Variants in PIEZO2 observed in about 807,000 individuals in gnomAD.
PIEZO2 encodes the protein piezo-type mechanosensitive ion channel component 2.
PIEZO2 carries 172 observed loss-of-function variants against 337.3 expected under a neutral mutation model. That is an observed-to-expected ratio of 0.51 (90% confidence interval 0.45 to 0.58). The LOEUF (loss-of-function observed/expected upper bound fraction) is 0.58. Among genes scored for constraint, PIEZO2 ranks in the 20% least tolerant of loss-of-function variants. The pLI is 0.00. For missense variants in PIEZO2, 3,028 were observed against 3,391.3 expected, an observed-to-expected ratio of 0.89 and a Z score of 2.66; for synonymous variants, 1,251 against 1,228.5, an observed-to-expected ratio of 1.02 and a Z score of -0.38.
rs556946442 is a variant in PIEZO2, at chr18:10,984,473, A to C, written c.161-4813T>G. On this transcript the variant is annotated intron_variant, in intron 2 of 55. Coordinates refer to ENST00000674853, the MANE Select transcript of PIEZO2 (RefSeq NM_001378183.1). Reference sequence around the variant, plus strand: ...AAATTTAATGGAGAGTTTCAACAGCAAACTTGATCAAGCAGAATAACATCA... The same window carrying C: ...AAATTTAATGGAGAGTTTCAACAGCCAACTTGATCAAGCAGAATAACATCA... Among the ~76,000 whole-genome samples the C allele has an allele frequency of 7.2e-5, 11 of 152,280 alleles. No homozygotes were observed. In the South Asian group the frequency reaches 2.1e-3, roughly 29 times the overall value.
rs2040954608 is a variant in PIEZO2, at chr18:10,834,774, C to T, written c.917+20579G>A. On this transcript the variant is annotated intron_variant, in intron 7 of 55. Transcript: ENST00000674853. The surrounding 1 kb of genome is among the most constrained non-coding windows in gnomAD (Gnocchi z 4.5). ...AAGGCAGGGTGCCTAGAACACCAGC[C>T]TCAGAAAGGCTCTTCCTTTAAGTTT... is the stretch of plus-strand genomic sequence containing the variant. Among the ~76,000 whole-genome samples the T allele has an allele frequency of 6.6e-6, 1 of 152,212 alleles. No homozygotes were observed. Among genetic ancestry groups the T allele is most frequent in the Non-Finnish European group, 1.5e-5 (1 of 68,030 alleles).
At chr18:11,141,237 C>T (rs559516397) in intron 1 of PIEZO2, among the ~76,000 whole-genome samples, 4 of 152,240 alleles carry the variant, frequency 2.6e-5, no homozygotes, top group Admixed American at 2.0e-4. Context: ...GCCTATTTGC[C>T]GCCAGTCAGG....
chr18:10,710,018 A>C (rs1216534420), intron 39 of PIEZO2, among the ~76,000 whole-genome samples: 1 of 152,254 alleles, frequency 6.6e-6, no homozygotes, highest in Non-Finnish European at 1.5e-5. Context: ...TGGGTTTTAG[A>C]TGAATCAGTG....
At chr18:10,908,271 C>T (rs1365589648) in intron 4 of PIEZO2, 1 of 152,166 alleles carries the variant, frequency 6.6e-6, no homozygotes, top group African/African-American at 2.4e-5. Context: ...AGCGTCTTTG[C>T]TTTTTTTATT....
rs537749745 is a variant in PIEZO2, at chr18:10,736,703, C to A, written c.4716G>T (p.Arg1572Ser). 2 of 1,536,386 alleles carry A rather than the reference C, an allele frequency of 1.3e-6. No individual in the cohort carries two copies. Among genetic ancestry groups the A allele is most frequent in the South Asian group, 1.2e-5 (1 of 83,794 alleles). The change falls in exon 34 of 56, where the codon AGG becomes AGT. Residue 1572 changes from arginine to serine, a missense_variant. Around this residue, in one of 5 missense-constraint regions of PIEZO2, gnomAD observed 1,925 missense variants for 2,051.9 expected, o/e 0.94. Transcript: ENST00000674853. ...TTTCAAACAAATAATAATCTCCACTCCTGACCACTAAGCAAAACAAAATAT... is the reference window on the plus strand; with the variant it reads ...TTTCAAACAAATAATAATCTCCACTACTGACCACTAAGCAAAACAAAATAT... ...RPWVDHASMV[R>S]SGDYYLFETD...
intron 1 of PIEZO2, among the ~76,000 whole-genome samples, chr18:11,133,923 G>A (rs918948082): frequency 1.3e-4 from 19 of 151,752 alleles, no homozygotes; most frequent in Admixed American, 6.6e-5. Context: ...GTCCCTCTAA[G>A]AGAACCTTGA....
At chr18:10,816,467 T>C in intron 7 of PIEZO2, among the ~76,000 whole-genome samples, 1 of 152,234 alleles carries the variant, frequency 6.6e-6, no homozygotes. Flanking sequence ...ACTGAAACTA[T>C]CAATCAGGAA....
At chr18:10,757,198 G>T (rs2143817169) in intron 27 of PIEZO2, among the ~76,000 whole-genome samples, 1 of 150,358 alleles carries the variant, frequency 6.7e-6, no homozygotes, top group South Asian at 2.1e-4. Flanking sequence ...TAGAGGATGA[G>T]GAGGAGGGGT....
Position 10,821,108 on chromosome 18 carries a change from ACT to A in PIEZO2, c.918-13836_918-13835del, listed in dbSNP as rs2040509405. ...TTTCTCTGTCTTTCTCCTCTCCATT[ACT>A]CTGTGCCACAAATATCAGCCTTCTC... On this transcript the variant is annotated intron_variant, in intron 7 of 55. Coordinates refer to ENST00000674853, the MANE Select transcript of PIEZO2 (RefSeq NM_001378183.1). The surrounding 1 kb of genome is among the most constrained non-coding windows in gnomAD (Gnocchi z 4.2). Among the ~76,000 whole-genome samples the A allele has an allele frequency of 6.6e-6, 1 of 151,790 alleles. No individual in the cohort carries two copies. The highest frequency in any genetic ancestry group is 1.5e-5 in the Non-Finnish European group (1 of 67,962).
rs1029989528 is a variant in PIEZO2 at position 10,888,312 on chromosome 18, C to T, written c.330-16897G>A. Among the ~76,000 whole-genome samples, 7 of 152,204 alleles carry T rather than the reference C, an allele frequency of 4.6e-5. No homozygotes were observed. The highest frequency in any genetic ancestry group is 2.1e-4 in the South Asian group (1 of 4,832). On this transcript the variant is annotated intron_variant, in intron 4 of 55. Coordinates refer to ENST00000674853, the MANE Select transcript of PIEZO2 (RefSeq NM_001378183.1). The surrounding 1 kb of genome is among the most constrained non-coding windows in gnomAD (Gnocchi z 4.1). Reference sequence around the variant, plus strand: ...CCCCTGAGTTGTGAGGGCCCCTCCACGCTGGCTCCTGGGAAATGTCCTTGT... The same window carrying T: ...CCCCTGAGTTGTGAGGGCCCCTCCATGCTGGCTCCTGGGAAATGTCCTTGT...
chr18:10,693,090 A>G (rs1024063665), intron 47 of PIEZO2, among the ~76,000 whole-genome samples: 2 of 152,268 alleles, frequency 1.3e-5, no homozygotes, highest in South Asian at 2.1e-4. Flanking sequence ...CAAGTCTTGT[A>G]CATGTTTTAT....
rs377146802 is a variant in PIEZO2 at position 11,011,953 on chromosome 18, C to G, written c.161-32293G>C. On this transcript the variant is annotated intron_variant, in intron 2 of 55. Transcript: ENST00000674853. ...CTATGATCACATAACTGCACTTCTG[C>G]CTCGGCAAGAGAGCAAGATCCTAAT... is the stretch of plus-strand genomic sequence containing the variant. Among the ~76,000 whole-genome samples the G allele has an allele frequency of 1.1e-4, 16 of 152,240 alleles. No homozygotes were observed. In the South Asian group the frequency reaches 2.5e-3, roughly 24 times the overall value.
At chr18:11,124,500 A>G (rs1223722339) in intron 1 of PIEZO2, among the ~76,000 whole-genome samples, 4 of 152,226 alleles carry the variant, frequency 2.6e-5, no homozygotes, top group African/African-American at 9.6e-5. Flanking sequence ...TCTCCTCTAG[A>G]AGATACGTGC....
At chr18:11,093,758 A>G (rs1161966762) in intron 1 of PIEZO2, among the ~76,000 whole-genome samples, 1 of 151,730 alleles carries the variant, frequency 6.6e-6, no homozygotes, top group Non-Finnish European at 1.5e-5. Flanking sequence ...ATCTTAAACT[A>G]TCTTAAAAGA....
chr18:11,089,105 C>T (rs1028897983), intron 1 of PIEZO2, among the ~76,000 whole-genome samples: 1 of 152,078 alleles, frequency 6.6e-6, no homozygotes, highest in African/African-American at 2.4e-5. Flanking sequence ...TACAACTGGC[C>T]ACAGGTCAGA....
chr18:10,796,091 T>G (rs1211731536), intron 12 of PIEZO2, among the ~76,000 whole-genome samples: 3 of 151,910 alleles, frequency 2.0e-5, no homozygotes, highest in Non-Finnish European at 4.4e-5. Flanking sequence ...CTGGCCGGGC[T>G]TGGTGACTCA....
At chr18:10,883,597 C>A (rs1415200720) in intron 4 of PIEZO2, among the ~76,000 whole-genome samples, 2 of 152,142 alleles carry the variant, frequency 1.3e-5, no homozygotes, top group Non-Finnish European at 2.9e-5. Context: ...ACATACTTAT[C>A]TTCTTTTCAT....
At chr18:11,071,226 A>G (rs8089791) in intron 1 of PIEZO2, among the ~76,000 whole-genome samples, 4,737 of 152,304 alleles carry the variant, frequency 0.031, 104 homozygotes, top group South Asian at 0.1. Flanking sequence ...TGTTCACACC[A>G]CAGATTGGAG....
At chr18:10,733,510 C>T (rs533350702) in intron 35 of PIEZO2, among the ~76,000 whole-genome samples, 5 of 142,914 alleles carry the variant, frequency 3.5e-5, no homozygotes, top group East Asian at 2.1e-4. Flanking sequence ...AGAGCAGTGG[C>T]GCCATCTCCG....
Sources: gnomAD v4.1 joint callset for allele counts (sites outside exome capture counted in the v4.1 genomes callset) on GRCh38, gnomAD v4.1.1 for gene constraint, gnomAD v4.1.1 regional missense constraint, Gnocchi (gnomAD v3.1) non-coding constraint, MANE v1.5 for transcripts, NCBI Gene and HGNC (gene_info 2026-07-23, HGNC 2026-07-21) for gene names.